Variants in RORA observed in about 807,000 individuals in gnomAD.
The protein encoded by RORA is RAR related orphan receptor A, also known as nuclear receptor ROR-alpha.
A neutral mutation model predicts 69.5 loss-of-function variants in RORA; 7 were observed. The observed-to-expected ratio is 0.10, with a 90% CI of 0.06 to 0.19. RORA has a LOEUF of 0.19. Ranked by LOEUF, RORA falls within the 10% of genes least tolerant of loss-of-function variation. RORA has a pLI of 1.00. For missense variants in RORA, 457 were observed against 663.0 expected (o/e 0.69, Z 3.41); for synonymous variants, 261 against 240.8 (o/e 1.08, Z -0.78).
At chr15:61,056,390 T>C (rs2078096990) in intron 1 of RORA, among the ~76,000 whole-genome samples, 1 of 152,212 alleles carries the variant, frequency 6.6e-6, no homozygotes, top group South Asian at 2.1e-4. Flanking sequence ...TCTGGAACTC[T>C]CTGAATCCCA....
At chr15:60,649,720 G>C (rs2070111553) in intron 2 of RORA, among the ~76,000 whole-genome samples, 1 of 152,082 alleles carries the variant, frequency 6.6e-6, no homozygotes, top group African/African-American at 2.4e-5. Flanking sequence ...TGTTTAATTT[G>C]GATTGAGCAT....
At chr15:61,137,090 A>G (rs907036339) in intron 1 of RORA, among the ~76,000 whole-genome samples, 2 of 148,894 alleles carry the variant, frequency 1.3e-5, no homozygotes, top group Middle Eastern at 3.2e-3. Flanking sequence ...AAAGAAAGAA[A>G]GAAAGAAAGA....
At chr15:61,182,692 T>C (rs907582520) in intron 1 of RORA, among the ~76,000 whole-genome samples, 1 of 152,198 alleles carries the variant, frequency 6.6e-6, no homozygotes, top group African/African-American at 2.4e-5. Context: ...ACAGTGACTT[T>C]ATAGTGGAGA....
intron 1 of RORA, among the ~76,000 whole-genome samples, chr15:61,159,907 T>C (rs546701288): frequency 6.6e-6 from 1 of 152,338 alleles, no homozygotes; most frequent in African/African-American, 2.4e-5. Context: ...GATCTGAAGA[T>C]GGGTACACTC....
Position 61,044,441 on chromosome 15 carries a change from G to A in RORA, c.166+184612C>T, listed in dbSNP as rs115923658. Among the ~76,000 whole-genome samples, 197 of 152,270 alleles carry A rather than the reference G, an allele frequency of 1.3e-3. 3 individuals are homozygous for A. Among genetic ancestry groups the A allele is most frequent in the African/African-American group, 4.6e-3 (191 of 41,568 alleles). On this transcript the variant is annotated intron_variant, in intron 1 of 10. Coordinates refer to ENST00000335670, the MANE Select transcript of RORA (RefSeq NM_134261.3). ...TGGCTACCAGCCACCTGTGGCCACC[G>A]AGCACTTGAACCTGGCCAGTCCCAA...
chr15:60,947,561 C>T (rs1020508027), intron 1 of RORA, among the ~76,000 whole-genome samples: 1 of 151,920 alleles, frequency 6.6e-6, no homozygotes, highest in Non-Finnish European at 1.5e-5. Context: ...CTGCGGAAGG[C>T]CCCAGGGTCC....
At chr15:60,521,559 G>A (rs1195423477) in intron 3 of RORA, among the ~76,000 whole-genome samples, 1 of 152,056 alleles carries the variant, frequency 6.6e-6, no homozygotes, top group Non-Finnish European at 1.5e-5. Context: ...CATTTTTATA[G>A]TAAATATTTT....
chr15:60,990,986 T>C lies in RORA; in HGVS notation c.166+238067A>G, dbSNP rs116531479. On this transcript the variant is annotated intron_variant, in intron 1 of 10. Coordinates refer to ENST00000335670, the MANE Select transcript of RORA (RefSeq NM_134261.3). ...AATCTTTATCTATATGTCATGTCTA[T>C]TAAAAAAGCAAACAACTGTTTTTCA... Among the ~76,000 whole-genome samples the C allele has an allele frequency of 4.2e-3, 635 of 152,322 alleles. 8 individuals are homozygous for C. Among genetic ancestry groups the C allele is most frequent in the African/African-American group, 0.015 (619 of 41,582 alleles).
intron 1 of RORA, among the ~76,000 whole-genome samples, chr15:61,201,158 C>T (rs1196930079): frequency 6.6e-6 from 1 of 152,216 alleles, no homozygotes; most frequent in African/African-American, 2.4e-5. Flanking sequence ...GAATGGGTAG[C>T]TAGCTGTTCA....
intron 1 of RORA, among the ~76,000 whole-genome samples, chr15:60,810,473 T>C (rs747728196): frequency 2.6e-5 from 4 of 152,144 alleles, no homozygotes; most frequent in Non-Finnish European, 5.9e-5. Context: ...ATTTGAGAGA[T>C]TCAAGGAGAA....
At chr15:60,615,032 C>T in intron 2 of RORA, 1 of 1,611,430 alleles carries the variant, frequency 6.2e-7, no homozygotes, top group Non-Finnish European at 8.5e-7. Flanking sequence ...GAAGAGCTGT[C>T]AGGGAAAACA....
intron 1 of RORA, among the ~76,000 whole-genome samples, chr15:61,048,021 G>A (rs560981279): frequency 5.3e-5 from 8 of 152,242 alleles, no homozygotes; most frequent in African/African-American, 1.9e-4. Context: ...ATTTAGATAT[G>A]GCTTTGGAAA....
intron 2 of RORA, 108 bp downstream of exon 2, chr15:60,678,549 G>A (rs544056329): frequency 2.3e-6 from 2 of 861,280 alleles, no homozygotes; most frequent in South Asian, 2.9e-5. Context: ...TGTTGACCAT[G>A]GATCACAGCT....
At chr15:60,581,722 C>T (rs1406704086) in intron 2 of RORA, among the ~76,000 whole-genome samples, 1 of 152,216 alleles carries the variant, frequency 6.6e-6, no homozygotes, top group East Asian at 1.9e-4. Flanking sequence ...AAGGTGCTTA[C>T]ATCACACCAT....
intron 1 of RORA, among the ~76,000 whole-genome samples, chr15:61,009,066 G>T (rs1032912842): frequency 4.6e-5 from 7 of 152,280 alleles, no homozygotes; most frequent in African/African-American, 1.7e-4. Context: ...TCACAAGACT[G>T]CTGTGAGTAG....
intron 2 of RORA, among the ~76,000 whole-genome samples, chr15:60,608,439 G>T (rs1457774955): frequency 1.3e-5 from 2 of 152,164 alleles, no homozygotes; most frequent in African/African-American, 2.4e-5. Context: ...CTCACAGATA[G>T]GGTAAGTGAA....
chr15:61,045,080 C>T (rs903061272), intron 1 of RORA, among the ~76,000 whole-genome samples: 3 of 152,150 alleles, frequency 2.0e-5, no homozygotes, highest in Admixed American at 6.5e-5. Flanking sequence ...GTAGCTGATA[C>T]GGTTTGGCTG....
intron 2 of RORA, among the ~76,000 whole-genome samples, chr15:60,542,128 C>G (rs1235466930): frequency 6.6e-6 from 1 of 152,210 alleles, no homozygotes; most frequent in Non-Finnish European, 1.5e-5. Context: ...CATTCACACA[C>G]TTTGGTACTT....
intron 1 of RORA, among the ~76,000 whole-genome samples, chr15:60,942,220 C>T (rs1892721355): frequency 6.6e-6 from 1 of 152,148 alleles, no homozygotes; most frequent in Admixed American, 6.5e-5. Flanking sequence ...CACAGTAGAT[C>T]TTTCAGACCT....
Sources: allele counts gnomAD v4.1 joint callset (sites outside exome capture counted in the v4.1 genomes callset), GRCh38; gene constraint gnomAD v4.1.1; transcripts MANE v1.5; gene names NCBI Gene and HGNC (gene_info 2026-07-23, HGNC 2026-07-21).